The following GRIN3A variants were observed in gnomAD, a reference collection of about 807,000 sequenced individuals.
GRIN3A encodes glutamate receptor ionotropic, NMDA 3A.
Under a neutral mutation model 92.4 loss-of-function variants are expected in GRIN3A, and 47 were observed. The ratio of observed to expected loss-of-function variants is 0.51; its 90% CI spans 0.40 to 0.65. GRIN3A has a LOEUF of 0.65. GRIN3A is among the 30% of genes least tolerant of loss of function. GRIN3A has a pLI of 0.00. For missense variants in GRIN3A, 1,324 were observed against 1,393.1 expected, an observed-to-expected ratio of 0.95 and a Z score of 0.79; for synonymous variants, 527 against 540.6, an observed-to-expected ratio of 0.97 and a Z score of 0.35.
Position 101,687,040 on chromosome 9 carries a change from G to T in GRIN3A, c.860C>A (p.Ser287Tyr). 1 of 1,614,104 alleles carries T rather than the reference G, an allele frequency of 6.2e-7. No individual in the cohort carries two copies. Among genetic ancestry groups the T allele is most frequent in the South Asian group, 1.1e-5 (1 of 91,064 alleles). ...TDFLLLTQNN[S>Y]KFHLGSIINI... ...GATGATAGAACCAAGGTGGAACTTG[G>T]AATTATTCTGGGTAAGGAGGAGGAA... Residue 287 changes from serine to tyrosine, a missense_variant, in exon 2 of 9, where the codon TCC becomes TAC. By Grantham distance (144) the Ser-to-Tyr change is moderately radical. Coordinates refer to ENST00000361820, the MANE Select transcript of GRIN3A (RefSeq NM_133445.3).
intron 1 of GRIN3A, among the ~76,000 whole-genome samples, chr9:101,696,837 G>A (rs192888852): frequency 6.6e-6 from 1 of 152,208 alleles, no homozygotes; most frequent in East Asian, 1.9e-4. Context: ...TCAGCTAAAC[G>A]CTGATTATTT....
chr9:101,675,055 G>A (rs1035226977), intron 2 of GRIN3A, among the ~76,000 whole-genome samples: 1 of 151,950 alleles, frequency 6.6e-6, no homozygotes, highest in Non-Finnish European at 1.5e-5. Flanking sequence ...AAAGAAAAAT[G>A]GTGACTAAGA....
chr9:101,592,670 G>C (rs541489323), intron 6 of GRIN3A: 13 of 152,074 alleles, frequency 8.5e-5, no homozygotes, highest in African/African-American at 3.1e-4. Flanking sequence ...TATTTTTGTG[G>C]TTTCTAAGTA....
chr9:101,605,879 CAAT>C (rs1455630386), intron 6 of GRIN3A, among the ~76,000 whole-genome samples: 1 of 152,166 alleles, frequency 6.6e-6, no homozygotes, highest in Non-Finnish European at 1.5e-5. Context: ...CCTCAGTACT[CAAT>C]AACAACGGAG....
intron 1 of GRIN3A, among the ~76,000 whole-genome samples, chr9:101,688,490 CAG>C (rs1033473490): frequency 2.0e-5 from 3 of 152,218 alleles, no homozygotes; most frequent in African/African-American, 7.2e-5. Context: ...ATGATAAAAA[CAG>C]AGCGTTGGAA....
intron 6 of GRIN3A, among the ~76,000 whole-genome samples, chr9:101,587,479 A>T (rs927584951): frequency 3.3e-5 from 5 of 152,126 alleles, no homozygotes; most frequent in Non-Finnish European, 7.4e-5. Flanking sequence ...CTGTTTTAGG[A>T]AGTCTTCTCT....
At chr9:101,691,946 T>G (rs191028408) in intron 1 of GRIN3A, among the ~76,000 whole-genome samples, 2 of 152,202 alleles carry the variant, frequency 1.3e-5, no homozygotes, top group African/African-American at 4.8e-5. Context: ...ACTTCCTAAC[T>G]TATGGATTCA....
intron 6 of GRIN3A, among the ~76,000 whole-genome samples, chr9:101,606,778 C>T (rs1828289019): frequency 6.6e-6 from 1 of 151,968 alleles, no homozygotes; most frequent in African/African-American, 2.4e-5. Flanking sequence ...TTTAGTAATC[C>T]CTTGAAGAAT....
intron 6 of GRIN3A, among the ~76,000 whole-genome samples, chr9:101,582,075 A>G (rs1827893948): frequency 6.6e-6 from 1 of 152,182 alleles, no homozygotes; most frequent in African/African-American, 2.4e-5. Context: ...CAGAGCCCAC[A>G]GTCTTCACTG....
intron 3 of GRIN3A, among the ~76,000 whole-genome samples, chr9:101,656,043 A>G (rs1829085219): frequency 6.6e-6 from 1 of 152,002 alleles, no homozygotes; most frequent in South Asian, 2.1e-4. Context: ...TGATTTACAA[A>G]ATGTGAAGAA....
chr9:101,614,217 G>A (rs2118849169), intron 5 of GRIN3A, among the ~76,000 whole-genome samples: 1 of 152,238 alleles, frequency 6.6e-6, no homozygotes, highest in Non-Finnish European at 1.5e-5. Context: ...ATTTTATATG[G>A]TTGAATATTG....
At chr9:101,594,729 C>A in intron 6 of GRIN3A, 6 of 1,613,732 alleles carry the variant, frequency 3.7e-6, no homozygotes, top group Non-Finnish European at 5.1e-6. Context: ...CCATCACCGT[C>A]GGTGTCGAAG....
chr9:101,656,806 C>T (rs1829094543), intron 3 of GRIN3A, among the ~76,000 whole-genome samples: 1 of 151,946 alleles, frequency 6.6e-6, no homozygotes, highest in African/African-American at 2.4e-5. Context: ...AGGAAAAAGT[C>T]AGTGCTTGAA....
At position 101,619,724 on chromosome 9, in the gene GRIN3A, G is replaced by A. The variant is rs572120870; in HGVS notation, c.2614+3594C>T. On this transcript the variant is annotated intron_variant, in intron 5 of 8. Coordinates refer to ENST00000361820, the MANE Select transcript of GRIN3A (RefSeq NM_133445.3). ...AAGTAAAAGAACAAACTCATAAACA[G>A]GCAAAGGTCTTTGGCAGAAAGATCA... is the stretch of plus-strand genomic sequence containing the variant. Among the ~76,000 whole-genome samples, 69 of 152,228 alleles carry A rather than the reference G, an allele frequency of 4.5e-4. No homozygotes were observed. The South Asian group carries it at 0.014, about 30-fold the overall frequency.
At chr9:101,658,797 A>G (rs1014429812) in intron 3 of GRIN3A, among the ~76,000 whole-genome samples, 1 of 139,518 alleles carries the variant, frequency 7.2e-6, no homozygotes, top group Admixed American at 7.1e-5. Flanking sequence ...TATCCATGCA[A>G]TTGGCTGGAG....
chr9:101,585,943 G>A (rs1470449440), intron 6 of GRIN3A, among the ~76,000 whole-genome samples: 1 of 152,038 alleles, frequency 6.6e-6, no homozygotes, highest in African/African-American at 2.4e-5. Flanking sequence ...CTTCTCTCTC[G>A]CTGGTTGACT....
chr9:101,738,337 A>G lies in GRIN3A; in HGVS notation c.-358T>C, dbSNP rs1044469507. 1 of 329,184 alleles carries G rather than the reference A, an allele frequency of 3.0e-6. No individual in the cohort carries two copies. Among genetic ancestry groups the G allele is most frequent in the Non-Finnish European group, 5.6e-6 (1 of 178,546 alleles). The allele number at this position is 329,184 out of a possible 1,614,324, so 20.4% of individuals were successfully genotyped here. On this transcript the variant is annotated 5_prime_UTR_variant, in exon 1 of 9. Transcript: ENST00000361820. The stretch of plus-strand genomic sequence containing the variant: ...CGTCCGGCCCCGCGAGGCGGCCGGG[A>G]TGAGAAGCAGCCGGAGTTCCTCGGG...
At chr9:101,727,798 G>T (rs946649021) in intron 1 of GRIN3A, among the ~76,000 whole-genome samples, 3 of 150,436 alleles carry the variant, frequency 2.0e-5, no homozygotes, top group African/African-American at 7.4e-5. Context: ...GGATTCCTAG[G>T]ATGCTTCAGC....
chr9:101,672,171 AC>A (rs1829336254), intron 2 of GRIN3A, among the ~76,000 whole-genome samples: 1 of 69,172 alleles, frequency 1.4e-5, no homozygotes. Flanking sequence ...TGGCCCTTGA[AC>A]AATTTACTTG....
Sources: gnomAD v4.1 joint callset for allele counts (sites outside exome capture counted in the v4.1 genomes callset) on GRCh38, gnomAD v4.1.1 for gene constraint, MANE v1.5 for transcripts, NCBI Gene and HGNC (gene_info 2026-07-23, HGNC 2026-07-21) for gene names.